The following NRG3 variants were observed in gnomAD, a reference collection of about 807,000 sequenced individuals.
NRG3 encodes the protein pro-neuregulin-3, membrane-bound isoform.
Under a neutral mutation model 66.9 loss-of-function variants are expected in NRG3, and 31 were observed. The observed-to-expected ratio is 0.46, with a 90% confidence interval of 0.35 to 0.63. NRG3 has a LOEUF of 0.63. Ranked by LOEUF, NRG3 falls within the 20% of genes least tolerant of loss-of-function variation. The pLI is 0.00. For missense variants in NRG3, 910 were observed against 878.9 expected, an observed-to-expected ratio of 1.04 and a Z score of -0.45; for synonymous variants, 393 against 359.4, an observed-to-expected ratio of 1.09 and a Z score of -1.06.
chr10:82,560,863 A>T (rs2044993876), intron 2 of NRG3, among the ~76,000 whole-genome samples: 4 of 151,614 alleles, frequency 2.6e-5, no homozygotes, highest in Admixed American at 2.6e-4. Context: ...TAATTATATG[A>T]CTCTTTTTCT....
chr10:82,689,117 A>T (rs1284488732), intron 2 of NRG3, among the ~76,000 whole-genome samples: 2 of 152,278 alleles, frequency 1.3e-5, no homozygotes, highest in Middle Eastern at 3.4e-3. Flanking sequence ...ATGGCACCTT[A>T]TAAAATTGCT....
intron 4 of NRG3, among the ~76,000 whole-genome samples, chr10:82,878,013 TA>T (rs1383054922): frequency 6.6e-6 from 1 of 152,120 alleles, no homozygotes; most frequent in African/African-American, 2.4e-5. Flanking sequence ...CGGTTTAGGG[TA>T]AATCCTGGGA....
chr10:82,848,916 G>T (rs2063434595), intron 3 of NRG3, among the ~76,000 whole-genome samples: 1 of 152,088 alleles, frequency 6.6e-6, no homozygotes, highest in African/African-American at 2.4e-5. Context: ...TGATTGTGAG[G>T]CCTTCCCAGC....
intron 2 of NRG3, among the ~76,000 whole-genome samples, chr10:82,503,677 A>T (rs1844408490): frequency 6.6e-6 from 1 of 152,150 alleles, no homozygotes; most frequent in African/African-American, 2.4e-5. Flanking sequence ...ACACTGTGGG[A>T]TACTACAACT....
chr10:82,195,278 G>A (rs1469631310), intron 1 of NRG3, among the ~76,000 whole-genome samples: 1 of 152,174 alleles, frequency 6.6e-6, no homozygotes, highest in African/African-American at 2.4e-5. Flanking sequence ...ATGTTTCCAT[G>A]GACACGTGCA....
chr10:82,289,415 A>G (rs1270069611), intron 1 of NRG3, among the ~76,000 whole-genome samples: 1 of 149,580 alleles, frequency 6.7e-6, no homozygotes, highest in Non-Finnish European at 1.5e-5. Context: ...TAATTGCACC[A>G]TGGTTAGAAT....
At chr10:82,609,409 T>A (rs1449765248) in intron 2 of NRG3, among the ~76,000 whole-genome samples, 1 of 152,170 alleles carries the variant, frequency 6.6e-6, no homozygotes, top group African/African-American at 2.4e-5. Flanking sequence ...AGGGGCCTGC[T>A]TACCTCTGTC....
At chr10:82,918,380 G>A (rs1591954350) in intron 4 of NRG3, among the ~76,000 whole-genome samples, 1 of 152,170 alleles carries the variant, frequency 6.6e-6, no homozygotes, top group Non-Finnish European at 1.5e-5. Context: ...TCTCAGCCTT[G>A]TTTTCTGGTA....
chr10:82,348,229 C>A (rs148267192), intron 1 of NRG3, among the ~76,000 whole-genome samples: 2 of 152,124 alleles, frequency 1.3e-5, no homozygotes, highest in African/African-American at 4.8e-5. Flanking sequence ...CCATGTTTAG[C>A]GCTTCCTTCA....
intron 8 of NRG3, among the ~76,000 whole-genome samples, chr10:82,980,348 T>C (rs1193330437): frequency 6.6e-6 from 1 of 152,226 alleles, no homozygotes; most frequent in Non-Finnish European, 1.5e-5. Context: ...GTATTTATTG[T>C]CACAGTAATT....
At chr10:82,325,404 G>A (rs1414864910) in intron 1 of NRG3, among the ~76,000 whole-genome samples, 1 of 152,046 alleles carries the variant, frequency 6.6e-6, no homozygotes. Context: ...TGCCCAGGCT[G>A]GTAGTATTTC....
At chr10:82,422,918 A>G (rs1345334540) in intron 2 of NRG3, among the ~76,000 whole-genome samples, 1 of 152,012 alleles carries the variant, frequency 6.6e-6, no homozygotes, top group Non-Finnish European at 1.5e-5. Context: ...TAAATGATAT[A>G]TGAGTTTTTA....
chr10:82,783,074 A>G (rs541360905), intron 3 of NRG3, among the ~76,000 whole-genome samples: 2 of 152,200 alleles, frequency 1.3e-5, no homozygotes, highest in African/African-American at 4.8e-5. Flanking sequence ...CAATAAATGT[A>G]ATCCAGCATA....
chr10:82,500,271 G>A (rs540943052), intron 2 of NRG3, among the ~76,000 whole-genome samples: 19 of 152,170 alleles, frequency 1.2e-4, no homozygotes, highest in Admixed American at 3.3e-4. Context: ...AATGATTACT[G>A]GCTCCATTAA....
rs182381947 is a variant in NRG3 at position 82,575,849 on chromosome 10, G to A, written c.954-162728G>A. 1.8e-3 allele frequency among the ~76,000 whole-genome samples: 268 copies of A among 151,774 alleles called. 3 individuals carry two copies. The highest frequency in any genetic ancestry group is 5.9e-3 in the African/African-American group (246 of 41,454). ...CTTTCCCATTAGGTTTAAGTTCAAC[G>A]TATGTCAAGAGCTTAAAACAATTTC... On this transcript the variant is annotated intron_variant, in intron 2 of 8. Coordinates refer to ENST00000372141, the MANE Select transcript of NRG3 (RefSeq NM_001010848.4).
At chr10:81,903,994 A>AT (rs1315427498) in intron 1 of NRG3, among the ~76,000 whole-genome samples, 5 of 103,478 alleles carry the variant, frequency 4.8e-5, no homozygotes, top group South Asian at 4.0e-4. Flanking sequence ...ATATATATAT[A>AT]TATTTTTTTT....
intron 1 of NRG3, among the ~76,000 whole-genome samples, chr10:82,029,258 T>C (rs1321339763): frequency 6.6e-6 from 1 of 152,066 alleles, no homozygotes; most frequent in Middle Eastern, 3.2e-3. Flanking sequence ...GTTACCACCA[T>C]TGGCTGTGTG....
At chr10:82,482,773 G>A (rs1407048732) in intron 2 of NRG3, among the ~76,000 whole-genome samples, 1 of 152,176 alleles carries the variant, frequency 6.6e-6, no homozygotes, top group East Asian at 1.9e-4. Flanking sequence ...AGGCAATGAG[G>A]TTTTGTTAAT....
chr10:82,471,736 A>G (rs1297698448), intron 2 of NRG3, among the ~76,000 whole-genome samples: 1 of 152,112 alleles, frequency 6.6e-6, no homozygotes, highest in Admixed American at 6.6e-5. Context: ...CCCCGTCTCT[A>G]CTAAAAATAC....
Sources: allele counts gnomAD v4.1 joint callset (sites outside exome capture counted in the v4.1 genomes callset), GRCh38; gene constraint gnomAD v4.1.1; transcripts MANE v1.5; gene names NCBI Gene and HGNC (gene_info 2026-07-23, HGNC 2026-07-21).